EIF3J: variants seen among roughly 807,000 people sequenced by gnomAD.
The protein encoded by EIF3J is eukaryotic translation initiation factor 3, subunit 1 (alpha, 35kD).
In EIF3J, 15 loss-of-function variants were observed where a neutral mutation model predicts 39.0. The ratio of observed to expected loss-of-function variants is 0.38; its 90% CI spans 0.26 to 0.59. The LOEUF (loss-of-function observed/expected upper bound fraction) is 0.59, where lower values mean the gene tolerates loss of function less well. EIF3J is among the 20% of genes least tolerant of loss of function. The pLI, the probability that EIF3J is intolerant of heterozygous loss-of-function variation, is 0.60. For missense variants in EIF3J, 226 were observed against 308.6 expected (o/e 0.73, Z 2.00); for synonymous variants, 98 against 112.9 (o/e 0.87, Z 0.84).
chr15:44,556,264 CT>C (rs1271636289), intron 5 of EIF3J, among the ~76,000 whole-genome samples: 1 of 152,138 alleles, frequency 6.6e-6, no homozygotes, highest in Non-Finnish European at 1.5e-5. Context: ...GTTTCTTATT[CT>C]TTTTGTTCCC....
At chr15:44,557,974 T>A (rs1339756620) in intron 6 of EIF3J, 1 of 160,488 alleles carries the variant, frequency 6.2e-6, no homozygotes. Context: ...GGGAAGTATC[T>A]TTTGAGGGAA....
chr15:44,553,684 C>G (rs1466489399), intron 4 of EIF3J, among the ~76,000 whole-genome samples: 1 of 151,800 alleles, frequency 6.6e-6, no homozygotes. Context: ...TTGAACCATT[C>G]TGTTGGACAT....
chr15:44,551,600 G>C, intron 4 of EIF3J, 78 bp downstream of exon 4: 1 of 1,047,126 alleles, frequency 9.5e-7, no homozygotes, highest in Non-Finnish European at 1.4e-6. Context: ...ATATTACCTA[G>C]GAATTTGAAG....
chr15:44,554,555 A>C lies in EIF3J; in HGVS notation c.297A>C (p.Leu99Phe). 1 of 1,604,940 alleles carries C rather than the reference A, an allele frequency of 6.2e-7. No individual in the cohort carries two copies. The highest frequency in any genetic ancestry group is 8.5e-7 in the Non-Finnish European group (1 of 1,176,514). The change falls in exon 5 of 8, where the codon TTA becomes TTC. Residue 99 changes from leucine (L) to phenylalanine (F), a missense_variant and splice_region_variant. By Grantham distance (22) the Leu-to-Phe change is conservative (BLOSUM62 0). Transcript: ENST00000261868. ...TAAAAACTTTTGTCTCATTTTAGTT[A>C]GAAGAACCCGAAGAACCTAAAGTGC... ...KKRQEEIKKR[L>F]EEPEEPKVLT...
At chr15:44,557,327 C>G (rs1815146430) in intron 5 of EIF3J, among the ~76,000 whole-genome samples, 162 bp from the exon 6 acceptor site, 2 of 152,134 alleles carry the variant, frequency 1.3e-5, no homozygotes, top group South Asian at 2.1e-4. Flanking sequence ...CCCCTCCCCC[C>G]TCACCCAGCC....
Position 44,561,697 on chromosome 15 carries a change from A to G in EIF3J, c.*548A>G, listed in dbSNP as rs1282998269. On this transcript the variant is annotated 3_prime_UTR_variant, in exon 8 of 8. Transcript: ENST00000261868. ...TGCGGCTGAAAAGCACTAGTTTGATATAAAATTAAAATGACCAAAACCCTC... is the reference window on the plus strand; with the variant it reads ...TGCGGCTGAAAAGCACTAGTTTGATGTAAAATTAAAATGACCAAAACCCTC... 2 of 152,526 alleles carry G rather than the reference A, an allele frequency of 1.3e-5. No homozygotes were observed. The highest frequency in any genetic ancestry group is 2.9e-5 in the Non-Finnish European group (2 of 68,064). 9.4% of individuals were successfully genotyped at this position (152,526 alleles called of 1,614,324 possible).
chr15:44,551,284 C>A, intron 3 of EIF3J, 147 bp from the exon 4 acceptor site: 1 of 624,330 alleles, frequency 1.6e-6, no homozygotes, highest in Non-Finnish European at 2.7e-6. Context: ...GGAAGAGTCC[C>A]AGAAGTTTCC....
chr15:44,544,117 G>A (rs1434097945), intron 2 of EIF3J, among the ~76,000 whole-genome samples: 3 of 108,784 alleles, frequency 2.8e-5, no homozygotes, highest in East Asian at 5.5e-4. Context: ...TTTTTTAGAC[G>A]GAGGCCTTCT....
At position 44,552,245 on chromosome 15, in the gene EIF3J, G is replaced by GT. The variant is rs561382251; in HGVS notation, c.294+732dup. ...GGCACAGGATCAGAAATATATGCTT[G>GT]TTTTTTTTTGTTTTTGTTTTTAGAC... On this transcript the variant is annotated intron_variant, in intron 4 of 7. Coordinates refer to ENST00000261868, the MANE Select transcript of EIF3J (RefSeq NM_003758.4). 5.1e-3 allele frequency among the ~76,000 whole-genome samples: 768 copies of GT among 150,910 alleles called. 10 individuals carry two copies. The highest frequency in any genetic ancestry group is 0.017 in the African/African-American group (719 of 41,156).
At chr15:44,558,406 C>T (rs2140902778) in intron 6 of EIF3J, among the ~76,000 whole-genome samples, 1 of 151,972 alleles carries the variant, frequency 6.6e-6, no homozygotes, top group African/African-American at 2.4e-5. Context: ...GATTGTAGAC[C>T]ATCCTGGCTA....
rs567778532 is a variant in EIF3J, at chr15:44,538,135, TTTG to T, written c.147+709_147+711del. On this transcript the variant is annotated intron_variant, in intron 2 of 7. Coordinates refer to ENST00000261868, the MANE Select transcript of EIF3J (RefSeq NM_003758.4). ...ACGACACCTAAGGAAATATTGAAGATTTGGTGGTGGTTGTAGATGACGGGCCCG... is the reference window on the plus strand; with the variant it reads ...ACGACACCTAAGGAAATATTGAAGATGTGGTGGTTGTAGATGACGGGCCCG... Among the ~76,000 whole-genome samples the T allele has an allele frequency of 4.3e-3, 654 of 152,136 alleles. 3 individuals carry two copies. Among genetic ancestry groups the T allele is most frequent in the African/African-American group, 0.015 (633 of 41,500 alleles).
chr15:44,552,156 A>G (rs1173628112), intron 4 of EIF3J, among the ~76,000 whole-genome samples: 1 of 152,144 alleles, frequency 6.6e-6, no homozygotes, highest in Non-Finnish European at 1.5e-5. Flanking sequence ...TATATTGAAC[A>G]TAATATAAAA....
At chr15:44,542,863 A>G (rs2140891039) in intron 2 of EIF3J, among the ~76,000 whole-genome samples, 1 of 152,340 alleles carries the variant, frequency 6.6e-6, no homozygotes, top group African/African-American at 2.4e-5. Flanking sequence ...TATAGTTGAA[A>G]GATTAATTGG....
intron 3 of EIF3J, 138 bp from the exon 4 acceptor site, chr15:44,551,293 C>G (rs543817763): frequency 5.5e-5 from 35 of 641,792 alleles, no homozygotes; most frequent in Non-Finnish European, 8.5e-5. Context: ...CCAGAAGTTT[C>G]CCATTATTTG....
intron 7 of EIF3J, 129 bp from the exon 8 acceptor site, chr15:44,560,889 G>C (rs780328388): frequency 7.8e-7 from 1 of 1,276,262 alleles, no homozygotes; most frequent in Non-Finnish European, 1.1e-6. Context: ...ATGTAGGCTC[G>C]GATGTCCCTT....
intron 4 of EIF3J, among the ~76,000 whole-genome samples, chr15:44,553,985 G>A (rs1424072365): frequency 6.6e-6 from 1 of 151,952 alleles, no homozygotes; most frequent in Non-Finnish European, 1.5e-5. Context: ...GTCTTCCTGG[G>A]TACAAATCTG....
intron 5 of EIF3J, among the ~76,000 whole-genome samples, chr15:44,556,826 A>C (rs922567950): frequency 2.6e-5 from 4 of 151,670 alleles, no homozygotes; most frequent in African/African-American, 9.7e-5. Flanking sequence ...CTGGCTAATT[A>C]AAAAAATTTT....
rs1471170261 is a variant in EIF3J at position 44,554,571 on chromosome 15, C to A, written c.313C>A (p.Pro105Thr). The change falls in exon 5 of 8, where the codon CCT becomes ACT. Residue 105 changes from proline to threonine, a missense_variant. Pro to Thr is a conservative substitution (Grantham distance 38). Transcript: ENST00000261868. ...IKKRLEEPEE[P>T]KVLTPEEQLA... ...ATTTTAGTTAGAAGAACCCGAAGAACCTAAAGTGCTAACACCAGAAGAACA... is the reference window on the plus strand; with the variant it reads ...ATTTTAGTTAGAAGAACCCGAAGAAACTAAAGTGCTAACACCAGAAGAACA... 21 of 1,609,274 alleles carry A rather than the reference C, an allele frequency of 1.3e-5. No homozygotes were observed. Among genetic ancestry groups the A allele is most frequent in the Non-Finnish European group, 1.8e-5 (21 of 1,178,400 alleles).
intron 5 of EIF3J, among the ~76,000 whole-genome samples, chr15:44,554,921 A>G (rs1176497381): frequency 1.3e-5 from 2 of 152,228 alleles, no homozygotes; most frequent in Non-Finnish European, 2.9e-5. Flanking sequence ...GACTCAGATG[A>G]AGTACACTAC....
Sources: gnomAD v4.1 joint callset for allele counts (sites outside exome capture counted in the v4.1 genomes callset) on GRCh38, gnomAD v4.1.1 for gene constraint, MANE v1.5 for transcripts, NCBI Gene and HGNC (gene_info 2026-07-23, HGNC 2026-07-21) for gene names.